Variants in FILIP1L observed in about 807,000 individuals in gnomAD.
FILIP1L encodes filamin A-interacting protein 1-like.
A neutral mutation model predicts 96.6 loss-of-function variants in FILIP1L; 55 were observed. The observed-to-expected ratio is 0.57, with a 90% CI of 0.46 to 0.71. FILIP1L has a LOEUF of 0.71. Ranked by LOEUF, FILIP1L falls within the 30% of genes least tolerant of loss-of-function variation. The pLI is 0.00. For synonymous variants in FILIP1L, 467 were observed against 473.9 expected, an observed-to-expected ratio of 0.99 and a Z score of 0.19; for missense variants, 1,304 against 1,321.2, an observed-to-expected ratio of 0.99 and a Z score of 0.20.
intron 4 of FILIP1L, among the ~76,000 whole-genome samples, chr3:99,859,691 A>G (rs548026568): frequency 3.3e-5 from 5 of 152,322 alleles, no homozygotes; most frequent in East Asian, 1.9e-4. Flanking sequence ...AGCTGTGTTC[A>G]TGGTTAAATA....
chr3:99,856,098 GCTGCTCTGCTCTGCTCTGCT>G (rs71130096), intron 4 of FILIP1L, among the ~76,000 whole-genome samples: 1,792 of 151,320 alleles, frequency 0.012, 20 homozygotes, highest in African/African-American at 0.026. Context: ...TGCTGCTCTT[GCTGCTCTGCTCTGCTCTGCT>G]CTGCTCTGCT....
At chr3:99,956,815 C>T (rs1456322006) in intron 1 of FILIP1L, among the ~76,000 whole-genome samples, 1 of 152,146 alleles carries the variant, frequency 6.6e-6, no homozygotes, top group African/African-American at 2.4e-5. Context: ...TTCCCTGCTC[C>T]CCACTCTGCC....
chr3:99,885,220 C>A (rs1379309098), intron 4 of FILIP1L, among the ~76,000 whole-genome samples: 1 of 152,186 alleles, frequency 6.6e-6, no homozygotes, highest in African/African-American at 2.4e-5. Context: ...GCTATTATTG[C>A]CCTAGTAATA....
intron 1 of FILIP1L, among the ~76,000 whole-genome samples, chr3:100,033,528 A>G (rs2065055115): frequency 6.6e-6 from 1 of 152,216 alleles, no homozygotes; most frequent in Non-Finnish European, 1.5e-5. Flanking sequence ...GGATTCTTAA[A>G]GTTGGACTCT....
At chr3:99,886,831 A>G (rs1047202400) in intron 4 of FILIP1L, among the ~76,000 whole-genome samples, 3 of 152,094 alleles carry the variant, frequency 2.0e-5, no homozygotes, top group Admixed American at 1.3e-4. Flanking sequence ...TTAGCCAGGC[A>G]TGGTGGTGGA....
chr3:100,100,073 A>G (rs1371886374), intron 1 of FILIP1L, among the ~76,000 whole-genome samples: 1 of 152,208 alleles, frequency 6.6e-6, no homozygotes, highest in Non-Finnish European at 1.5e-5. Context: ...GGAGTGGGCA[A>G]GTGTGGCATG....
chr3:100,023,530 G>A (rs185671980), intron 1 of FILIP1L: 3 of 152,734 alleles, frequency 2.0e-5, no homozygotes, highest in African/African-American at 7.2e-5. Context: ...ACTGTAAGTG[G>A]TATGAGACTA....
chr3:100,030,636 T>C (rs994422617), intron 1 of FILIP1L, among the ~76,000 whole-genome samples: 6 of 152,166 alleles, frequency 3.9e-5, no homozygotes, highest in Non-Finnish European at 7.4e-5. Context: ...TTTGGAATCA[T>C]GAGTAATCAT....
chr3:99,886,267 A>T (rs1322080238), intron 4 of FILIP1L, among the ~76,000 whole-genome samples: 1 of 53,784 alleles, frequency 1.9e-5, no homozygotes, highest in Admixed American at 1.9e-4. Flanking sequence ...TAAAGCAGGG[A>T]TGTTATCACT....
Position 99,924,243 on chromosome 3 carries a change from G to A in FILIP1L, c.592C>T (p.Gln198Ter), listed in dbSNP as rs1559689790. Residue 198 changes from glutamine (Q) to a stop codon, truncating the protein, a stop_gained, in exon 4 of 6, where the codon CAG (glutamine) becomes TAG (stop). Coordinates refer to ENST00000477258, the MANE Select transcript of FILIP1L (RefSeq NM_001387850.1). LOFTEE classifies it high-confidence loss of function. ...KSDEFICLLE[Q>*]ECERLKKLID... ...AAGCAGCCTTACCTTTCACATTCCT[G>A]TTCTAGTAGGCATATGAATTCATCA... The A allele has an allele frequency of 6.2e-7, 1 of 1,613,512 alleles. No homozygotes were observed. Among genetic ancestry groups the A allele is most frequent in the Admixed American group, 1.7e-5 (1 of 59,914 alleles).
intron 1 of FILIP1L, among the ~76,000 whole-genome samples, chr3:100,015,160 T>A (rs1224477305): frequency 6.6e-6 from 1 of 152,006 alleles, no homozygotes; most frequent in Non-Finnish European, 1.5e-5. Flanking sequence ...GTCCTTTTCC[T>A]ATTTTGCATT....
intron 1 of FILIP1L, among the ~76,000 whole-genome samples, chr3:99,991,834 A>ATGTG (rs1374667949): frequency 0.011 from 970 of 84,468 alleles, 17 homozygotes; most frequent in African/African-American, 0.035. Context: ...GTATATATAT[A>ATGTG]TATGTGTGTG....
rs148315601 is a variant in FILIP1L, at chr3:100,097,511, A to C, written c.-11+16542T>G. Among the ~76,000 whole-genome samples the C allele has an allele frequency of 7.7e-4, 118 of 152,292 alleles. 4 individuals are homozygous for C. The East Asian group carries it at 0.014, about 18-fold the overall frequency. ...GTATTCTAATCCACGAACACAGTAT[A>C]TCTCTCTATTTTTAGATATTTGATG... is the stretch of plus-strand genomic sequence containing the variant. On this transcript the variant is annotated intron_variant, in intron 1 of 5. Coordinates refer to ENST00000477258, the MANE Select transcript of FILIP1L (RefSeq NM_001387850.1).
chr3:99,973,829 G>T (rs1559709853), intron 1 of FILIP1L, among the ~76,000 whole-genome samples: 1 of 152,190 alleles, frequency 6.6e-6, no homozygotes, highest in Non-Finnish European at 1.5e-5. Flanking sequence ...CCTAGGCCTG[G>T]TGTTTGTTGT....
At chr3:99,852,410 A>G (rs1943741044) in intron 4 of FILIP1L, among the ~76,000 whole-genome samples, 2 of 152,014 alleles carry the variant, frequency 1.3e-5, no homozygotes, top group Admixed American at 1.3e-4. Flanking sequence ...ACTTTTTGAA[A>G]GTTGTGTAAG....
At chr3:99,869,955 C>A (rs539236749) in intron 4 of FILIP1L, among the ~76,000 whole-genome samples, 2 of 152,142 alleles carry the variant, frequency 1.3e-5, no homozygotes, top group African/African-American at 4.8e-5. Flanking sequence ...CTCACAGGCC[C>A]AAGTGCTACA....
chr3:99,931,862 G>T (rs1265833205), intron 1 of FILIP1L, among the ~76,000 whole-genome samples: 1 of 152,134 alleles, frequency 6.6e-6, no homozygotes, highest in Non-Finnish European at 1.5e-5. Flanking sequence ...CACTGTTGAG[G>T]TTTATAACTA....
chr3:99,962,249 G>T (rs188770183), intron 1 of FILIP1L, among the ~76,000 whole-genome samples: 135 of 152,240 alleles, frequency 8.9e-4, no homozygotes, highest in African/African-American at 3.1e-3. Context: ...GAAAACAGAT[G>T]CAGAAATGCT....
chr3:99,948,335 TA>T (rs1559699729), intron 1 of FILIP1L, among the ~76,000 whole-genome samples: 1 of 151,144 alleles, frequency 6.6e-6, no homozygotes, highest in Admixed American at 6.6e-5. Context: ...TCCAAAAAAA[TA>T]AAAAAATTAA....
Sources: allele counts gnomAD v4.1 joint callset (sites outside exome capture counted in the v4.1 genomes callset), GRCh38; gene constraint gnomAD v4.1.1; transcripts MANE v1.5; gene names NCBI Gene and HGNC (gene_info 2026-07-23, HGNC 2026-07-21).